Variants in GPATCH2 observed in about 807,000 individuals in gnomAD.
GPATCH2 encodes the protein G-patch domain containing 2.
A neutral mutation model predicts 58.0 loss-of-function variants in GPATCH2; 51 were observed. That is an observed-to-expected ratio of 0.88 (90% CI 0.70 to 1.11). The LOEUF (loss-of-function observed/expected upper bound fraction) is 1.11. Among genes scored for constraint, GPATCH2 ranks in the 50% most tolerant of loss-of-function variants. The probability of loss-of-function intolerance (pLI) is 0.00; values close to 1 mark genes in which losing one functional copy is unlikely to be tolerated. For synonymous variants in GPATCH2, 222 were observed against 218.5 expected, an observed-to-expected ratio of 1.02 and a Z score of -0.14; for missense variants, 625 against 652.2, an observed-to-expected ratio of 0.96 and a Z score of 0.45.
rs1157828444 is a variant in GPATCH2, at chr1:217,430,110, T to C, written c.*1035A>G. ...GGCACGTAATACAAACGACCTCTTT[T>C]GCTAGGTTTTAAAGTAACATCTTGG... On this transcript the variant is annotated 3_prime_UTR_variant, in exon 10 of 10. Coordinates refer to ENST00000366935, the MANE Select transcript of GPATCH2 (RefSeq NM_018040.5). The C allele has an allele frequency of 6.6e-6, 1 of 152,200 alleles. No individual in the cohort carries two copies. The highest frequency in any genetic ancestry group is 1.5e-5 in the Non-Finnish European group (1 of 68,032). The allele number at this position is 152,200 out of a possible 1,614,324, so 9.4% of individuals were successfully genotyped here.
intron 5 of GPATCH2, among the ~76,000 whole-genome samples, chr1:217,599,185 G>A (rs891078273): frequency 2.0e-5 from 3 of 152,190 alleles, no homozygotes; most frequent in Non-Finnish European, 2.9e-5. Context: ...TAGGTCATAG[G>A]TGAAGAGTGA....
At chr1:217,457,263 C>A (rs1013277609) in intron 8 of GPATCH2, among the ~76,000 whole-genome samples, 2 of 152,154 alleles carry the variant, frequency 1.3e-5, no homozygotes, top group Non-Finnish European at 2.9e-5. Flanking sequence ...TGTCTGCTTT[C>A]TCACTAGAGC....
chr1:217,508,184 G>A (rs1376702774), intron 6 of GPATCH2, among the ~76,000 whole-genome samples: 1 of 151,958 alleles, frequency 6.6e-6, no homozygotes, highest in African/African-American at 2.4e-5. Context: ...AGGAGGAATC[G>A]ATCTGTATTT....
intron 8 of GPATCH2, among the ~76,000 whole-genome samples, chr1:217,458,420 G>C (rs1218758163): frequency 6.6e-6 from 1 of 152,054 alleles, no homozygotes; most frequent in Non-Finnish European, 1.5e-5. Context: ...ACTGAAAATG[G>C]TAGCGGCTGT....
chr1:217,463,641 CAAAAAAAAAAAA>C lies in GPATCH2; in HGVS notation c.1278-14316_1278-14305del, dbSNP rs201402598. Among the ~76,000 whole-genome samples, 18 of 82,474 alleles carry C rather than the reference CAAAAAAAAAAAA, an allele frequency of 2.2e-4. No individual in the cohort carries two copies. In the East Asian group the frequency reaches 4.1e-3, roughly 19 times the overall value. The allele number at this position is 82,474 out of a possible 152,430, so 54.1% of individuals were successfully genotyped here. ...GCAACATAGCAAGAACTTATCACTC[CAAAAAAAAAAAA>C]AAAAAAAAAAAAAAAAAAAAAGGCA... On this transcript the variant is annotated intron_variant, in intron 8 of 9. Coordinates refer to ENST00000366935, the MANE Select transcript of GPATCH2 (RefSeq NM_018040.5).
intron 1 of GPATCH2, among the ~76,000 whole-genome samples, chr1:217,621,278 A>G (rs1050853459): frequency 1.7e-4 from 26 of 152,346 alleles, no homozygotes; most frequent in African/African-American, 6.3e-4. Flanking sequence ...TTAAAACCCA[A>G]TTCCCAAAGA....
At chr1:217,628,805 C>T (rs1252388188) in intron 1 of GPATCH2, among the ~76,000 whole-genome samples, 3 of 151,818 alleles carry the variant, frequency 2.0e-5, no homozygotes, top group Admixed American at 2.0e-4. Flanking sequence ...AAGATGGGAG[C>T]TAAATAAGTC....
chr1:217,437,055 T>C (rs1658869331), intron 9 of GPATCH2, among the ~76,000 whole-genome samples: 1 of 151,956 alleles, frequency 6.6e-6, no homozygotes, highest in African/African-American at 2.4e-5. Context: ...TGGGACTGGT[T>C]AGACAGTGGA....
At chr1:217,448,817 A>C (rs576034007) in intron 9 of GPATCH2, among the ~76,000 whole-genome samples, 1 of 152,264 alleles carries the variant, frequency 6.6e-6, no homozygotes, top group African/African-American at 2.4e-5. Context: ...AGACTGCCAC[A>C]TTTGCTCAGT....
chr1:217,536,242 A>T (rs7525118), intron 5 of GPATCH2, among the ~76,000 whole-genome samples: 54,693 of 151,864 alleles, frequency 0.36, 10,692 homozygotes, highest in Non-Finnish European at 0.44. Context: ...ATGTTAATTA[A>T]CTCACTCTGT....
intron 5 of GPATCH2, among the ~76,000 whole-genome samples, chr1:217,531,043 A>AC (rs1664161216): frequency 2.6e-5 from 3 of 117,028 alleles, no homozygotes; most frequent in Non-Finnish European, 5.5e-5. Context: ...CCAGTTACAC[A>AC]AACACACACA....
intron 8 of GPATCH2, among the ~76,000 whole-genome samples, chr1:217,485,164 T>C (rs567961391): frequency 1.3e-5 from 2 of 152,274 alleles, no homozygotes; most frequent in South Asian, 4.1e-4. Context: ...ACAGGAGTGC[T>C]GATGTCTGAG....
At chr1:217,597,497 T>C (rs1667894567) in intron 5 of GPATCH2, among the ~76,000 whole-genome samples, 1 of 152,110 alleles carries the variant, frequency 6.6e-6, no homozygotes, top group Non-Finnish European at 1.5e-5. Flanking sequence ...GTTCACAAAT[T>C]GGAGGCTCTA....
intron 5 of GPATCH2, among the ~76,000 whole-genome samples, chr1:217,526,395 TA>T (rs1041905222): frequency 8.0e-5 from 12 of 150,572 alleles, no homozygotes; most frequent in Non-Finnish European, 1.0e-4. Flanking sequence ...TTTCCATAGC[TA>T]AAAAAAAAGT....
chr1:217,586,778 C>T (rs886850412), intron 5 of GPATCH2, among the ~76,000 whole-genome samples: 4 of 152,128 alleles, frequency 2.6e-5, no homozygotes, highest in African/African-American at 9.7e-5. Flanking sequence ...GACTAATGTA[C>T]TGCACTGTGA....
At chr1:217,447,319 G>A (rs1389944865) in intron 9 of GPATCH2, among the ~76,000 whole-genome samples, 1 of 152,164 alleles carries the variant, frequency 6.6e-6, no homozygotes, top group Non-Finnish European at 1.5e-5. Flanking sequence ...TTATATATAT[G>A]TAATGTGCAT....
intron 5 of GPATCH2, among the ~76,000 whole-genome samples, chr1:217,555,743 A>T (rs1033559482): frequency 6.6e-6 from 1 of 152,158 alleles, no homozygotes; most frequent in Admixed American, 6.5e-5. Flanking sequence ...GATCAGCTCC[A>T]TAAGAAAGTA....
Position 217,524,319 on chromosome 1 carries a change from C to T in GPATCH2, c.1099-9430G>A, listed in dbSNP as rs529250118. Reference sequence around the variant, plus strand: ...AGATGGGATGGCGGCTGGGAAGAGGCGCTCCTCACTTCCTAGATGGGATGG... The same window carrying T: ...AGATGGGATGGCGGCTGGGAAGAGGTGCTCCTCACTTCCTAGATGGGATGG... On this transcript the variant is annotated intron_variant, in intron 5 of 9. Transcript: ENST00000366935. 1.2e-3 allele frequency among the ~76,000 whole-genome samples: 179 copies of T among 150,172 alleles called. 1 individual carries two copies. Among genetic ancestry groups the T allele is most frequent in the African/African-American group, 4.1e-3 (167 of 40,740 alleles).
intron 1 of GPATCH2, among the ~76,000 whole-genome samples, chr1:217,621,677 A>G (rs1364798946): frequency 1.3e-5 from 2 of 152,248 alleles, no homozygotes; most frequent in African/African-American, 4.8e-5. Flanking sequence ...CCCATAGTCT[A>G]TATAGTCTCT....
Sources: gnomAD v4.1 joint callset for allele counts (sites outside exome capture counted in the v4.1 genomes callset) on GRCh38, gnomAD v4.1.1 for gene constraint, MANE v1.5 for transcripts, NCBI Gene and HGNC (gene_info 2026-07-23, HGNC 2026-07-21) for gene names.